ZFP91: variants seen among roughly 807,000 people sequenced by gnomAD.
ZFP91 encodes the protein ZFP91 zinc finger protein, atypical E3 ubiquitin ligase, also known as E3 ubiquitin-protein ligase ZFP91.
In ZFP91, 7 loss-of-function variants were observed where a neutral mutation model predicts 63.5. The observed-to-expected ratio is 0.11, with a 90% CI of 0.06 to 0.21. The LOEUF (loss-of-function observed/expected upper bound fraction) is 0.21, where lower values mean the gene tolerates loss of function less well. Among genes scored for constraint, ZFP91 ranks in the 10% least tolerant of loss-of-function variants. The probability of loss-of-function intolerance (pLI) is 1.00; values close to 1 mark genes in which losing one functional copy is unlikely to be tolerated. For synonymous variants in ZFP91, 330 were observed against 272.1 expected, an observed-to-expected ratio of 1.21 and a Z score of -2.10; for missense variants, 628 against 736.6, an observed-to-expected ratio of 0.85 and a Z score of 1.71.
At chr11:58,600,493 T>TA (rs1372327811) in intron 2 of ZFP91, among the ~76,000 whole-genome samples, 3 of 152,192 alleles carry the variant, frequency 2.0e-5, no homozygotes, top group African/African-American at 7.2e-5. Context: ...CAATGAATGT[T>TA]ACGTGTTGGT....
chr11:58,597,044 C>T (rs577041124), intron 2 of ZFP91, among the ~76,000 whole-genome samples: 1 of 152,090 alleles, frequency 6.6e-6, no homozygotes, highest in Non-Finnish European at 1.5e-5. Context: ...ATGAGGTAAC[C>T]AGGGGCATTG....
chr11:58,614,016 G>A lies in ZFP91; in HGVS notation c.988-213G>A, dbSNP rs139128267. 2.2e-3 allele frequency among the ~76,000 whole-genome samples: 328 copies of A among 152,068 alleles called. 3 individuals carry two copies. The highest frequency in any genetic ancestry group is 0.016 in the South Asian group (76 of 4,826). The stretch of plus-strand genomic sequence containing the variant: ...GGAGCTTGAAATATTTGTCTCCTAA[G>A]ATTACAAAGGCTAGTGAATGACAGA... On this transcript the variant is annotated intron_variant, in intron 8 of 10. Coordinates refer to ENST00000316059, the MANE Select transcript of ZFP91 (RefSeq NM_053023.5).
intron 2 of ZFP91, among the ~76,000 whole-genome samples, chr11:58,594,977 A>C (rs923825019): frequency 2.0e-5 from 3 of 152,180 alleles, no homozygotes; most frequent in Non-Finnish European, 4.4e-5. Context: ...TTGGCACTTG[A>C]ATCCAAGGCT....
In ZFP91 at chr11:58,618,380, T is replaced by G. The variant is rs943592232; in HGVS notation, c.*674T>G. The G allele has an allele frequency of 4.1e-5, 11 of 265,486 alleles. No individual in the cohort carries two copies. The highest frequency in any genetic ancestry group is 1.4e-3 in the Middle Eastern group (1 of 732). 16.4% of individuals were successfully genotyped at this position (265,486 alleles called of 1,614,324 possible). On this transcript the variant is annotated 3_prime_UTR_variant, in exon 11 of 11. Coordinates refer to ENST00000316059, the MANE Select transcript of ZFP91 (RefSeq NM_053023.5). ...TCCCAACCCTCCATATGGCTCTCAA[T>G]GGTGCTCACTTGCTTGGAAGCAGGC...
chr11:58,582,755 A>C (rs980018377), intron 1 of ZFP91, among the ~76,000 whole-genome samples: 2 of 152,168 alleles, frequency 1.3e-5, no homozygotes, highest in African/African-American at 4.8e-5. Flanking sequence ...GAGATGACAT[A>C]TTTAGCTTAC....
Position 58,620,274 on chromosome 11 carries a change from C to T in ZFP91, c.*2568C>T, listed in dbSNP as rs549599021. 1 of 152,296 alleles carries T rather than the reference C, an allele frequency of 6.6e-6. No homozygotes were observed. The highest frequency in any genetic ancestry group is 6.5e-5 in the Admixed American group (1 of 15,302). 9.4% of individuals were successfully genotyped at this position (152,296 alleles called of 1,614,324 possible). On this transcript the variant is annotated 3_prime_UTR_variant, in exon 11 of 11. Transcript: ENST00000316059. Reference sequence around the variant, plus strand: ...GCATAGTAGAGTTGGTGTAATTAAACTATCTCAGCCGTTTCCCTGCTTTCC... The same window carrying T: ...GCATAGTAGAGTTGGTGTAATTAAATTATCTCAGCCGTTTCCCTGCTTTCC...
Position 58,617,173 on chromosome 11 carries a change from A to G in ZFP91, c.1203-23A>G, listed in dbSNP as rs764773379. The G allele has an allele frequency of 3.9e-6, 6 of 1,546,164 alleles. No individual in the cohort carries two copies. Among genetic ancestry groups the G allele is most frequent in the East Asian group, 4.5e-5 (2 of 44,448 alleles). Reference sequence around the variant, plus strand: ...TCTTTATTTCTCTGTTGGATCAGCCATTTCCTTTTCTCCTCTCCTTAGATG... The same window carrying G: ...TCTTTATTTCTCTGTTGGATCAGCCGTTTCCTTTTCTCCTCTCCTTAGATG... On this transcript the variant is annotated intron_variant, in intron 10 of 10. Coordinates refer to ENST00000316059, the MANE Select transcript of ZFP91 (RefSeq NM_053023.5). This position sits in a 1 kb window ranked among gnomAD's most constrained non-coding sequence, Gnocchi z 4.2.
At position 58,610,070 on chromosome 11, in the gene ZFP91, T is replaced by C. The variant is rs201183681; in HGVS notation, c.580+31T>C. 8.7e-6 allele frequency: 14 copies of C among 1,602,874 alleles called. No individual in the cohort carries two copies. In the East Asian group the frequency reaches 3.1e-4, roughly 36 times the overall value. ...GTGCAACTAGAATATGGCTGTTTAC[T>C]AACTAGTTGCTGTTACATTTTAAAT... is the stretch of plus-strand genomic sequence containing the variant. On this transcript the variant is annotated intron_variant, in intron 3 of 10. Coordinates refer to ENST00000316059, the MANE Select transcript of ZFP91 (RefSeq NM_053023.5).
rs546652104 is a variant in ZFP91 at position 58,611,263 on chromosome 11, A to G, written c.722+209A>G. On this transcript the variant is annotated intron_variant, in intron 5 of 10. Coordinates refer to ENST00000316059, the MANE Select transcript of ZFP91 (RefSeq NM_053023.5). ...ATTTGTAGAACTTTATTTTGATTAT[A>G]TACAAGTTTTTATGAGTCTGCATGT... is the stretch of plus-strand genomic sequence containing the variant. 6.5e-5 allele frequency: 32 copies of G among 493,030 alleles called. No homozygotes were observed. The Middle Eastern group carries it at 1.6e-3, about 25-fold the overall frequency. 30.5% of individuals were successfully genotyped at this position (493,030 alleles called of 1,614,324 possible). A position where few individuals can be genotyped will look rare whatever the true frequency, so the allele number is the denominator to read the frequency against.
chr11:58,582,126 A>T (rs1029468246), intron 1 of ZFP91, among the ~76,000 whole-genome samples: 1 of 152,226 alleles, frequency 6.6e-6, no homozygotes, highest in Non-Finnish European at 1.5e-5. Context: ...TACTATGCTG[A>T]ACTAGGTGGT....
chr11:58,579,400 C>T lies in ZFP91; in HGVS notation c.119C>T (p.Ala40Val), dbSNP rs1354438202. The T allele has an allele frequency of 1.4e-5, 21 of 1,465,406 alleles. No individual in the cohort carries two copies. Among genetic ancestry groups the T allele is most frequent in the Non-Finnish European group, 1.8e-5 (20 of 1,115,828 alleles). The allele number at this position is 1,465,406 out of a possible 1,614,324, so 90.8% of individuals were successfully genotyped here. A position where few individuals can be genotyped will look rare whatever the true frequency, so the allele number is the denominator to read the frequency against. ...QQRPPEAVAAAPAGTTSSRVL... is the reference protein window; with the variant it reads ...QQRPPEAVAAVPAGTTSSRVL... ...CGGCCCCCTGAGGCGGTCGCGGCGG[C>T]GCCTGCAGGGACCACTAGCAGCCGC... The change falls in exon 1 of 11, where the codon GCG becomes GTG. Residue 40 changes from alanine (A) to valine (V), a missense_variant. By Grantham distance (64) the Ala-to-Val change is moderately conservative. Around this residue, in one of 3 missense-constraint regions of ZFP91, gnomAD observed 437 missense variants for 380.3 expected, o/e 1.15. Transcript: ENST00000316059.
At chr11:58,599,496 ACTT>A (rs1408131034) in intron 2 of ZFP91, among the ~76,000 whole-genome samples, 2 of 151,990 alleles carry the variant, frequency 1.3e-5, no homozygotes, top group African/African-American at 4.8e-5. Context: ...TCTCACCAAC[ACTT>A]CTTATTTTCT....
At chr11:58,615,585 T>G (rs1590631054) in intron 9 of ZFP91, among the ~76,000 whole-genome samples, 2 of 152,316 alleles carry the variant, frequency 1.3e-5, no homozygotes, top group East Asian at 3.9e-4. Flanking sequence ...TGTCCTGCTA[T>G]GGAACTGGAA....
chr11:58,593,765 A>G (rs543092537), intron 2 of ZFP91, among the ~76,000 whole-genome samples: 32 of 152,200 alleles, frequency 2.1e-4, no homozygotes, highest in Non-Finnish European at 4.1e-4. Context: ...TATTCTCTCT[A>G]GTGTCTCTTC....
intron 2 of ZFP91, among the ~76,000 whole-genome samples, chr11:58,589,693 T>C (rs1855272339): frequency 6.6e-6 from 1 of 152,234 alleles, no homozygotes; most frequent in Non-Finnish European, 1.5e-5. Flanking sequence ...TAGCAGTAAC[T>C]GTATTATTTC....
chr11:58,601,968 C>T (rs1031295828), intron 2 of ZFP91, among the ~76,000 whole-genome samples: 2 of 152,022 alleles, frequency 1.3e-5, no homozygotes, highest in South Asian at 4.1e-4. Context: ...ATCGCCCAGG[C>T]TGGAGTGCAG....
At chr11:58,586,301 C>T (rs1383025527) in intron 2 of ZFP91, among the ~76,000 whole-genome samples, 1 of 152,084 alleles carries the variant, frequency 6.6e-6, no homozygotes, top group African/African-American at 2.4e-5. Context: ...ATTTGGAGCC[C>T]CTTTTGGAGA....
chr11:58,614,117 T>C, intron 8 of ZFP91, 112 bp from the exon 9 acceptor site: 1 of 580,962 alleles, frequency 1.7e-6, no homozygotes. Flanking sequence ...ACTATCCATG[T>C]GTGAAATCTA....
chr11:58,602,047 C>T (rs185473138), intron 2 of ZFP91, among the ~76,000 whole-genome samples: 8 of 152,002 alleles, frequency 5.3e-5, no homozygotes, highest in Non-Finnish European at 1.2e-4. Flanking sequence ...TCAGCGTCCT[C>T]GAGTAGCTGG....
Sources: gnomAD v4.1 joint callset for allele counts (sites outside exome capture counted in the v4.1 genomes callset) on GRCh38, gnomAD v4.1.1 for gene constraint, gnomAD v4.1.1 regional missense constraint, Gnocchi (gnomAD v3.1) non-coding constraint, MANE v1.5 for transcripts, NCBI Gene and HGNC (gene_info 2026-07-23, HGNC 2026-07-21) for gene names.